Variants in PTPRM observed in about 807,000 individuals in gnomAD.
The protein encoded by PTPRM is protein tyrosine phosphatase receptor type M.
A neutral mutation model predicts 186.7 loss-of-function variants in PTPRM; 47 were observed. The observed-to-expected ratio is 0.25, with a 90% CI of 0.20 to 0.32. The LOEUF is 0.32. Among genes scored for constraint, PTPRM ranks in the 10% least tolerant of loss-of-function variants. The probability of loss-of-function intolerance (pLI) is 1.00; values close to 1 mark genes in which losing one functional copy is unlikely to be tolerated. For synonymous variants in PTPRM, 668 were observed against 674.9 expected (o/e 0.99, Z 0.16); for missense variants, 1,494 against 1,865.0 (o/e 0.80, Z 3.66).
intron 14 of PTPRM, among the ~76,000 whole-genome samples, chr18:8,160,860 G>C (rs2093217531): frequency 1.3e-5 from 2 of 152,142 alleles, no homozygotes. Context: ...CCCATTGCCA[G>C]AAAGAAAGCA....
intron 14 of PTPRM, among the ~76,000 whole-genome samples, chr18:8,198,938 T>C (rs1227395303): frequency 1.3e-5 from 2 of 152,078 alleles, no homozygotes; most frequent in African/African-American, 4.8e-5. Context: ...CAGGTAATGA[T>C]GGCAGCAAAA....
intron 3 of PTPRM, among the ~76,000 whole-genome samples, chr18:7,896,567 G>A (rs1256489325): frequency 6.6e-6 from 1 of 152,106 alleles, no homozygotes; most frequent in Non-Finnish European, 1.5e-5. Context: ...CCATAAAGAA[G>A]TGGGGCTGGG....
intron 13 of PTPRM, among the ~76,000 whole-genome samples, chr18:8,143,152 T>A (rs1314070201): frequency 6.6e-6 from 1 of 152,202 alleles, no homozygotes; most frequent in East Asian, 1.9e-4. Context: ...TAAAAAACAA[T>A]TGCTGGTAAA....
intron 2 of PTPRM, among the ~76,000 whole-genome samples, chr18:7,820,394 G>A (rs186558019): frequency 6.6e-6 from 1 of 152,138 alleles, no homozygotes. Flanking sequence ...TGAATAAAAG[G>A]TCATTATCCT....
intron 23 of PTPRM, among the ~76,000 whole-genome samples, chr18:8,354,074 G>A (rs1452199678): frequency 1.6e-4 from 25 of 152,190 alleles, no homozygotes; most frequent in South Asian, 8.3e-4. Flanking sequence ...TTAGCTGGGC[G>A]TGGTGGCGGG....
At chr18:7,718,269 C>A (rs965023385) in intron 1 of PTPRM, among the ~76,000 whole-genome samples, 1 of 151,964 alleles carries the variant, frequency 6.6e-6, no homozygotes, top group Non-Finnish European at 1.5e-5. Flanking sequence ...CCAAATACAG[C>A]CAACTGAGCT....
chr18:7,949,142 T>A (rs1568059245), intron 5 of PTPRM, 39 bp from the exon 6 acceptor site: 7 of 1,510,222 alleles, frequency 4.6e-6, no homozygotes, highest in Non-Finnish European at 6.4e-6. Flanking sequence ...TGACAGCTTA[T>A]ATTGCTTCTT....
chr18:7,708,930 A>G (rs73939349), intron 1 of PTPRM, among the ~76,000 whole-genome samples: 3,793 of 152,266 alleles, frequency 0.025, 147 homozygotes, highest in African/African-American at 0.086. Flanking sequence ...AAATGTGTTC[A>G]GGTTTGCTCA....
chr18:7,610,878 C>G (rs1000301993), intron 1 of PTPRM, among the ~76,000 whole-genome samples: 1 of 152,164 alleles, frequency 6.6e-6, no homozygotes, highest in Non-Finnish European at 1.5e-5. Context: ...CAGCCTCAGG[C>G]AGGTCCTTCA....
chr18:7,929,869 G>C (rs2051377183), intron 5 of PTPRM, among the ~76,000 whole-genome samples: 1 of 152,228 alleles, frequency 6.6e-6, no homozygotes, highest in East Asian at 1.9e-4. Flanking sequence ...TTCTAATCTA[G>C]AGTTGTAATA....
intron 14 of PTPRM, among the ~76,000 whole-genome samples, chr18:8,222,774 C>A (rs1430393845): frequency 1.3e-5 from 2 of 152,180 alleles, no homozygotes; most frequent in Non-Finnish European, 2.9e-5. Context: ...CTATAGGCAG[C>A]TTATGCCTTA....
chr18:8,029,949 G>T (rs1361515851), intron 7 of PTPRM, among the ~76,000 whole-genome samples: 1 of 152,154 alleles, frequency 6.6e-6, no homozygotes, highest in Non-Finnish European at 1.5e-5. Context: ...TCCGTGCACC[G>T]CAGCCTTTTG....
chr18:7,948,250 T>G (rs959988259), intron 5 of PTPRM, among the ~76,000 whole-genome samples: 1 of 151,582 alleles, frequency 6.6e-6, no homozygotes, highest in Non-Finnish European at 1.5e-5. Context: ...TGTGAGAAAC[T>G]TTATATATAT....
chr18:7,702,826 G>A (rs1442615270), intron 1 of PTPRM, among the ~76,000 whole-genome samples: 1 of 152,130 alleles, frequency 6.6e-6, no homozygotes, highest in African/African-American at 2.4e-5. Flanking sequence ...TATGGTTTTA[G>A]GCCTCACATT....
At position 7,573,568 on chromosome 18, in the gene PTPRM, TTTTTGTTTTG is replaced by T. The variant is rs367999305; in HGVS notation, c.73+5702_73+5711del. Among the ~76,000 whole-genome samples the T allele has an allele frequency of 2.9e-3, 440 of 151,086 alleles. 3 individuals carry two copies. Among genetic ancestry groups the T allele is most frequent in the African/African-American group, 5.3e-3 (217 of 40,948 alleles). ...AGAAACGTTGTCCTGAAAGAGGAGG[TTTTTGTTTTG>T]TTTTGTTTTGTTTTGTTTTGTTTTT... On this transcript the variant is annotated intron_variant, in intron 1 of 32. Coordinates refer to ENST00000580170, the MANE Select transcript of PTPRM (RefSeq NM_001105244.2).
At chr18:7,879,507 G>T (rs2048397628) in intron 2 of PTPRM, among the ~76,000 whole-genome samples, 1 of 152,038 alleles carries the variant, frequency 6.6e-6, no homozygotes, top group African/African-American at 2.4e-5. Flanking sequence ...ATACATAATG[G>T]GTGCTCAGAT....
In PTPRM at chr18:7,567,686, T is replaced by C; in HGVS notation, c.-133T>C. The C allele has an allele frequency of 1.3e-6, 1 of 773,014 alleles. No homozygotes were observed. Among genetic ancestry groups the C allele is most frequent in the Non-Finnish European group, 1.9e-6 (1 of 528,818 alleles). 47.9% of individuals were successfully genotyped at this position (773,014 alleles called of 1,614,324 possible). A position where few individuals can be genotyped will look rare whatever the true frequency, so the allele number is the denominator to read the frequency against. The stretch of plus-strand genomic sequence containing the variant: ...TCGGACTTCTGCAACTGTTGGCACT[T>C]TGGGGGCTTGGCTTAGCGCTCTGCT... On this transcript the variant is annotated 5_prime_UTR_variant, in exon 1 of 33. Coordinates refer to ENST00000580170, the MANE Select transcript of PTPRM (RefSeq NM_001105244.2). The surrounding 1 kb of genome is among the most constrained non-coding windows in gnomAD (Gnocchi z 4.3).
chr18:7,627,200 C>T (rs886303735), intron 1 of PTPRM, among the ~76,000 whole-genome samples: 7 of 152,264 alleles, frequency 4.6e-5, no homozygotes, highest in African/African-American at 1.7e-4. Flanking sequence ...CACAACCAGC[C>T]ACCCTGTCAT....
intron 1 of PTPRM, among the ~76,000 whole-genome samples, chr18:7,681,755 A>G (rs772308249): frequency 3.0e-4 from 45 of 152,178 alleles, no homozygotes; most frequent in Admixed American, 1.3e-4. Flanking sequence ...CCGAAGTTCT[A>G]ACATTATTTT....
Sources: gnomAD v4.1 joint callset for allele counts (sites outside exome capture counted in the v4.1 genomes callset) on GRCh38, gnomAD v4.1.1 for gene constraint, Gnocchi (gnomAD v3.1) non-coding constraint, MANE v1.5 for transcripts, NCBI Gene and HGNC (gene_info 2026-07-23, HGNC 2026-07-21) for gene names.